Variants in HEG1 observed in about 807,000 individuals in gnomAD.
HEG1 encodes the protein protein HEG homolog 1.
Under a neutral mutation model 125.6 loss-of-function variants are expected in HEG1, and 56 were observed. The ratio of observed to expected loss-of-function variants is 0.45; its 90% confidence interval spans 0.36 to 0.56. The LOEUF is 0.56. Among genes scored for constraint, HEG1 ranks in the 20% least tolerant of loss-of-function variants. HEG1 has a pLI of 0.00. For missense variants in HEG1, 1,523 were observed against 1,670.0 expected, an observed-to-expected ratio of 0.91 and a Z score of 1.53; for synonymous variants, 644 against 668.5, an observed-to-expected ratio of 0.96 and a Z score of 0.57.
At chr3:125,012,586 C>G (rs765498737) in intron 6 of HEG1, 37 bp downstream of exon 6, 2 of 1,580,152 alleles carry the variant, frequency 1.3e-6, no homozygotes, top group South Asian at 2.4e-5. Context: ...TGGACTGGGC[C>G]TTGCAGTTAA....
At chr3:125,029,600 AG>A in intron 1 of HEG1, 112 bp from the exon 2 acceptor site, 1 of 1,141,532 alleles carries the variant, frequency 8.8e-7, no homozygotes, top group Non-Finnish European at 1.2e-6. Context: ...TTCAAGTAAA[AG>A]AATTTTGGCC....
At chr3:124,993,199 C>T (rs1936860585) in intron 12 of HEG1, among the ~76,000 whole-genome samples, 1 of 152,224 alleles carries the variant, frequency 6.6e-6, no homozygotes, top group Admixed American at 6.5e-5. Flanking sequence ...GTGCAGGACC[C>T]TGCTGTGTCT....
chr3:124,987,924 T>TACACACACACACACACAC (rs67009322), intron 14 of HEG1, among the ~76,000 whole-genome samples: 1,392 of 67,108 alleles, frequency 0.021, 89 homozygotes, highest in Middle Eastern at 0.065. Flanking sequence ...TATATATGTG[T>TACACACACACACACACAC]ACACACACAC....
intron 1 of HEG1, among the ~76,000 whole-genome samples, chr3:125,050,398 C>T (rs1258417527): frequency 3.3e-5 from 5 of 152,170 alleles, no homozygotes; most frequent in Non-Finnish European, 7.3e-5. Flanking sequence ...CCCGACTTGG[C>T]CTCCCAAAGT....
intron 16 of HEG1, among the ~76,000 whole-genome samples, chr3:124,971,378 C>T (rs761088112): frequency 1.3e-5 from 2 of 152,190 alleles, no homozygotes; most frequent in Non-Finnish European, 2.9e-5. Flanking sequence ...ACTGCTCAGC[C>T]AGCTATTTTT....
At position 125,018,084 on chromosome 3, in the gene HEG1, G is replaced by A. The variant is rs542709938; in HGVS notation, c.1588+1178C>T. 9.9e-5 allele frequency among the ~76,000 whole-genome samples: 15 copies of A among 151,668 alleles called. No individual in the cohort carries two copies. The South Asian group carries it at 3.1e-3, about 32-fold the overall frequency. ...ACCACATATACACTTGTACCTGAAT[G>A]TTCACCACAGCATTATTCATAATAG... is the stretch of plus-strand genomic sequence containing the variant. On this transcript the variant is annotated intron_variant, in intron 5 of 16. Transcript: ENST00000311127.
Position 125,014,770 on chromosome 3 carries a change from C to A in HEG1, c.1589-780G>T, listed in dbSNP as rs770035167. The A allele has an allele frequency of 3.1e-6, 4 of 1,289,252 alleles. No individual in the cohort carries two copies. The East Asian group carries it at 1.7e-4, about 54-fold the overall frequency. The allele number at this position is 1,289,252 out of a possible 1,614,324, so 79.9% of individuals were successfully genotyped here. ...GAGACCAGGCCCATGTCGTCCGTCACGTTTACGTGCAGAGAGGCACCCTCT... is the reference window on the plus strand; with the variant it reads ...GAGACCAGGCCCATGTCGTCCGTCAAGTTTACGTGCAGAGAGGCACCCTCT... On this transcript the variant is annotated intron_variant, in intron 5 of 16. Transcript: ENST00000311127.
intron 1 of HEG1, among the ~76,000 whole-genome samples, chr3:125,037,138 A>G (rs566042912): frequency 4.3e-4 from 66 of 152,358 alleles, no homozygotes; most frequent in African/African-American, 1.6e-3. Flanking sequence ...AGTTTTTCTT[A>G]TGTATTATGC....
At chr3:125,048,015 T>G (rs62265662) in intron 1 of HEG1, among the ~76,000 whole-genome samples, 2 of 151,970 alleles carry the variant, frequency 1.3e-5, no homozygotes, top group African/African-American at 4.8e-5. Context: ...TCTGCACAGA[T>G]AGATGGGGGC....
At chr3:124,991,163 T>TTC (rs1553776263) in intron 12 of HEG1, among the ~76,000 whole-genome samples, 177 bp from the exon 13 acceptor site, 14 of 150,522 alleles carry the variant, frequency 9.3e-5, no homozygotes, top group Admixed American at 4.6e-4. Context: ...TTTTTTTTTT[T>TTC]TTCTGAGATA....
In HEG1 at chr3:125,005,169, A is replaced by G. The variant is rs986006205; in HGVS notation, c.3297+96T>C. On this transcript the variant is annotated intron_variant, in intron 9 of 16. Coordinates refer to ENST00000311127, the MANE Select transcript of HEG1 (RefSeq NM_020733.2). ...CAAATATAACAAAAGTGAAGAGCCC[A>G]GGAGACACAGCTGACCGCTAGGCAG... The G allele has an allele frequency of 3.3e-5, 24 of 716,960 alleles. No homozygotes were observed. The African/African-American group carries it at 4.4e-4, about 13-fold the overall frequency. 44.4% of individuals were successfully genotyped at this position (716,960 alleles called of 1,614,324 possible). A position where few individuals can be genotyped will look rare whatever the true frequency, so the allele number is the denominator to read the frequency against.
Position 124,978,802 on chromosome 3 carries a change from A to AAAATAAATAAATAAAT in HEG1, c.3734-872_3734-857dup, listed in dbSNP as rs10673332. Among the ~76,000 whole-genome samples the AAAATAAATAAATAAAT allele has an allele frequency of 2.7e-3, 372 of 140,076 alleles. 1 individual carries two copies. Among genetic ancestry groups the AAAATAAATAAATAAAT allele is most frequent in the African/African-American group, 3.1e-3 (119 of 38,270 alleles). 91.9% of individuals were successfully genotyped at this position (140,076 alleles called of 152,430 possible). A position where few individuals can be genotyped will look rare whatever the true frequency, so the allele number is the denominator to read the frequency against. On this transcript the variant is annotated intron_variant, in intron 14 of 16. Coordinates refer to ENST00000311127, the MANE Select transcript of HEG1 (RefSeq NM_020733.2). The stretch of plus-strand genomic sequence containing the variant: ...GGTGACACAGTGAGACTCTGTCTCA[A>AAAATAAATAAATAAAT]AAATAAATAAATAAATAAATAAATA...
chr3:125,013,748 T>A lies in HEG1; in HGVS notation c.1831A>T (p.Ile611Phe). The change falls in exon 6 of 17, where the codon ATC becomes TTC. Residue 611 changes from isoleucine to phenylalanine, a missense_variant. Transcript: ENST00000311127. Reference protein sequence around the residue: ...FFHAQTERSNISSYDGEYAQP... With the variant: ...FFHAQTERSNFSSYDGEYAQP... ...GCATATTCCCCGTCATAGGATGAGA[T>A]GTTACTTCTCTCAGTCTGAGCATGA... The A allele has an allele frequency of 1.2e-6, 2 of 1,613,948 alleles. No homozygotes were observed. Among genetic ancestry groups the A allele is most frequent in the African/African-American group, 1.3e-5 (1 of 75,044 alleles).
At chr3:124,977,605 C>T (rs942744837) in intron 15 of HEG1, among the ~76,000 whole-genome samples, 1 of 152,132 alleles carries the variant, frequency 6.6e-6, no homozygotes, top group Non-Finnish European at 1.5e-5. Context: ...CAGTTTATTT[C>T]TTTTTTCATT....
At position 125,020,997 on chromosome 3, in the gene HEG1, A is replaced by G. The variant is rs780331861; in HGVS notation, c.1047T>C (p.Ser349=). 2 of 1,613,894 alleles carry G rather than the reference A, an allele frequency of 1.2e-6. No individual in the cohort carries two copies. The highest frequency in any genetic ancestry group is 2.2e-5 in the South Asian group (2 of 91,052). The change falls in exon 4 of 17, where the codon AGT becomes AGC. Residue 349 remains serine (S), a synonymous_variant. Transcript: ENST00000311127. ...GPRTLRSLTV[S]LGPVSKTEGF... ...CTTCTGTCTTGCTCACAGGTCCCAG[A>G]CTGACCGTCAAAGATCGCAGCGTTC...
At chr3:125,045,560 C>T (rs1004515274) in intron 1 of HEG1, among the ~76,000 whole-genome samples, 1 of 152,198 alleles carries the variant, frequency 6.6e-6, no homozygotes, top group East Asian at 1.9e-4. Flanking sequence ...GATGGGAAAG[C>T]GTTAGCCATG....
At chr3:125,010,341 A>T in intron 7 of HEG1, 98 bp downstream of exon 7, 1 of 683,248 alleles carries the variant, frequency 1.5e-6, no homozygotes, top group Non-Finnish European at 2.5e-6. Context: ...ATTAACTAAA[A>T]CAGTGTATTT....
At position 125,019,591 on chromosome 3, in the gene HEG1, C is replaced by T. The variant is rs1278588743; in HGVS notation, c.1259G>A (p.Gly420Glu). ...AGAGCTGCTGGCAAGCTGATGTTCT[C>T]CAAAGGCTGTAAGGTAATATAGGAA... is the stretch of plus-strand genomic sequence containing the variant. ...LRWQNDSPTF[G>E]EHQLASSSEV... Residue 420 changes from glycine (G) to glutamate (E), a missense_variant, in exon 5 of 17, where the codon GGA becomes GAA. Transcript: ENST00000311127. 6.2e-7 allele frequency: 1 copy of T among 1,602,870 alleles called. No individual in the cohort carries two copies. The highest frequency in any genetic ancestry group is 1.3e-5 in the African/African-American group (1 of 74,676).
chr3:124,997,547 C>A lies in HEG1; in HGVS notation c.3652+142G>T, dbSNP rs539206936. 8.8e-6 allele frequency: 6 copies of A among 684,074 alleles called. No homozygotes were observed. In the East Asian group the frequency reaches 1.5e-4, roughly 18 times the overall value. The allele number at this position is 684,074 out of a possible 1,614,324, so 42.4% of individuals were successfully genotyped here. ...GGAGATAATGTATTCAATCCTGCCA[C>A]GAGCAAAATAACAAGAACCAGTTAC... On this transcript the variant is annotated intron_variant, in intron 12 of 16. Coordinates refer to ENST00000311127, the MANE Select transcript of HEG1 (RefSeq NM_020733.2).
Sources: gnomAD v4.1 joint callset for allele counts (sites outside exome capture counted in the v4.1 genomes callset) on GRCh38, gnomAD v4.1.1 for gene constraint, MANE v1.5 for transcripts, NCBI Gene and HGNC (gene_info 2026-07-23, HGNC 2026-07-21) for gene names.